ROCK1: variants seen among roughly 807,000 people sequenced by gnomAD.
ROCK1 encodes the protein Rho associated coiled-coil containing protein kinase 1.
In ROCK1, 36 loss-of-function variants were observed where a neutral mutation model predicts 196.8. The ratio of observed to expected loss-of-function variants is 0.18; its 90% CI spans 0.14 to 0.24. The LOEUF (loss-of-function observed/expected upper bound fraction) is 0.24. Among genes scored for constraint, ROCK1 ranks in the 10% least tolerant of loss-of-function variants. The pLI, the probability that ROCK1 is intolerant of heterozygous loss-of-function variation, is 1.00. For missense variants in ROCK1, 920 were observed against 1,562.0 expected, an observed-to-expected ratio of 0.59 and a Z score of 6.93; for synonymous variants, 443 against 515.9, an observed-to-expected ratio of 0.86 and a Z score of 1.91.
intron 1 of ROCK1, among the ~76,000 whole-genome samples, chr18:21,099,691 A>G: frequency 6.6e-6 from 1 of 152,178 alleles, no homozygotes; most frequent in Non-Finnish European, 1.5e-5. Context: ...GCTGCAGTGA[A>G]CCGTGATCAT....
intron 2 of ROCK1, among the ~76,000 whole-genome samples, chr18:21,060,578 G>T (rs559948836): frequency 6.6e-6 from 1 of 152,116 alleles, no homozygotes; most frequent in Admixed American, 6.5e-5. Flanking sequence ...GGTGGCTCAC[G>T]CCTGTAATTC....
chr18:21,055,624 C>T (rs543671843), intron 2 of ROCK1, among the ~76,000 whole-genome samples: 1 of 152,202 alleles, frequency 6.6e-6, no homozygotes, highest in African/African-American at 2.4e-5. Flanking sequence ...GGACATTGCT[C>T]AAGCAATTCT....
At chr18:20,957,392 A>C (rs2035253097) in intron 29 of ROCK1, among the ~76,000 whole-genome samples, 1 of 152,264 alleles carries the variant, frequency 6.6e-6, no homozygotes, top group African/African-American at 2.4e-5. Context: ...ATTACTGTTT[A>C]ATTCCATTTA....
At chr18:20,987,785 A>G (rs1013440487) in intron 18 of ROCK1, among the ~76,000 whole-genome samples, 24 of 152,186 alleles carry the variant, frequency 1.6e-4, no homozygotes, top group African/African-American at 5.5e-4. Context: ...AAATAAATAT[A>G]AATAAACTAT....
intron 10 of ROCK1, among the ~76,000 whole-genome samples, chr18:21,026,437 T>C (rs1598533349): frequency 9.9e-6 from 1 of 100,608 alleles, no homozygotes; most frequent in Non-Finnish European, 1.8e-5. Context: ...AGAGCAAAAC[T>C]CTGTCTCGAA....
chr18:20,975,491 T>A (rs1281090927), intron 22 of ROCK1, among the ~76,000 whole-genome samples: 4 of 152,238 alleles, frequency 2.6e-5, no homozygotes, highest in African/African-American at 7.2e-5. Context: ...CTCATCTCTA[T>A]TTAGAAGCTG....
intron 27 of ROCK1, among the ~76,000 whole-genome samples, chr18:20,965,631 A>T (rs2035367469): frequency 6.6e-6 from 1 of 152,198 alleles, no homozygotes; most frequent in Admixed American, 6.5e-5. Context: ...GTCTAACTTT[A>T]GAAAGATGTT....
At chr18:20,967,358 T>A (rs548915345) in intron 26 of ROCK1, among the ~76,000 whole-genome samples, 7 of 152,270 alleles carry the variant, frequency 4.6e-5, no homozygotes, top group Admixed American at 1.3e-4. Context: ...AAAATGCTTT[T>A]CTGGCTCCAA....
chr18:21,071,100 T>C (rs1299764994), intron 1 of ROCK1, among the ~76,000 whole-genome samples: 1 of 152,008 alleles, frequency 6.6e-6, no homozygotes, highest in Non-Finnish European at 1.5e-5. Context: ...TAGATTGTCA[T>C]GGGTCTTCTT....
chr18:20,967,465 TG>T (rs2035384865), intron 26 of ROCK1, among the ~76,000 whole-genome samples: 1 of 152,316 alleles, frequency 6.6e-6, no homozygotes, highest in South Asian at 2.1e-4. Context: ...TTCTCAATTT[TG>T]TTCTATTAAC....
Position 20,947,838 on chromosome 18 carries a change from T to C in ROCK1, c.*3546A>G, listed in dbSNP as rs2143302928. 6.6e-6 allele frequency: 1 copy of C among 152,354 alleles called. No individual in the cohort carries two copies. Among genetic ancestry groups the C allele is most frequent in the Non-Finnish European group, 1.5e-5 (1 of 68,056 alleles). 9.4% of individuals were successfully genotyped at this position (152,354 alleles called of 1,614,324 possible). A position where few individuals can be genotyped will look rare whatever the true frequency, so the allele number is the denominator to read the frequency against. ...TATATGGGAATGCAACCAGGCGCGG[T>C]GGCTCATGCCTGTAATCCCAGCACT... On this transcript the variant is annotated 3_prime_UTR_variant, in exon 33 of 33. Transcript: ENST00000399799.
intron 25 of ROCK1, among the ~76,000 whole-genome samples, chr18:20,968,311 CTT>C (rs545840133): frequency 3.4e-5 from 5 of 145,516 alleles, no homozygotes; most frequent in Admixed American, 6.9e-5. Context: ...AATCCTATTT[CTT>C]TTTTTTTTTT....
intron 2 of ROCK1, among the ~76,000 whole-genome samples, chr18:21,058,778 C>A (rs1301998711): frequency 6.6e-6 from 1 of 152,070 alleles, no homozygotes; most frequent in Admixed American, 6.6e-5. Flanking sequence ...ACAGTTTTGC[C>A]ATGTTGCCCA....
At chr18:21,037,858 A>G (rs2036070307) in intron 9 of ROCK1, among the ~76,000 whole-genome samples, 1 of 152,134 alleles carries the variant, frequency 6.6e-6, no homozygotes, top group Non-Finnish European at 1.5e-5. Context: ...AACAGTGATC[A>G]ATATACAACA....
chr18:20,987,037 T>C lies in ROCK1; in HGVS notation c.2217A>G (p.Lys739=). ...GATCAACGTCTAGCATGGAACACTG[T>C]TTCTCAATCTGAACAACCCGATTTT... ...KAENRVVQIE[K]QCSMLDVDLK... The change falls in exon 19 of 33, where the codon AAA becomes AAG. Residue 739 remains lysine, a synonymous_variant. Coordinates refer to ENST00000399799, the MANE Select transcript of ROCK1 (RefSeq NM_005406.3). 1.2e-6 allele frequency: 2 copies of C among 1,612,884 alleles called. No individual in the cohort carries two copies. The highest frequency in any genetic ancestry group is 1.1e-5 in the South Asian group (1 of 90,532).
chr18:20,992,229 A>G (rs2035632701), intron 17 of ROCK1, among the ~76,000 whole-genome samples: 1 of 152,224 alleles, frequency 6.6e-6, no homozygotes, highest in South Asian at 2.1e-4. Flanking sequence ...AAAGGACAAG[A>G]TAAGTAGTGG....
chr18:21,015,667 T>C (rs1442153195), intron 12 of ROCK1, among the ~76,000 whole-genome samples, 188 bp from the exon 13 acceptor site: 1 of 152,072 alleles, frequency 6.6e-6, no homozygotes. Flanking sequence ...ACAAAAATTA[T>C]ATATGATTAA....
rs575140545 is a variant in ROCK1, at chr18:21,090,142, G to C, written c.94-19529C>G. On this transcript the variant is annotated intron_variant, in intron 1 of 32. Transcript: ENST00000399799. Reference sequence around the variant, plus strand: ...ATTTTATAACATCATGCATTGATTGGTCACTTAGAAAATACTGGTTCCTTG... The same window carrying C: ...ATTTTATAACATCATGCATTGATTGCTCACTTAGAAAATACTGGTTCCTTG... Among the ~76,000 whole-genome samples, 6 of 152,252 alleles carry C rather than the reference G, an allele frequency of 3.9e-5. No individual in the cohort carries two copies. In the East Asian group the frequency reaches 1.2e-3, roughly 29 times the overall value.
chr18:21,091,529 G>A (rs2036569990), intron 1 of ROCK1, among the ~76,000 whole-genome samples: 1 of 47,352 alleles, frequency 2.1e-5, no homozygotes, highest in African/African-American at 3.0e-5. Flanking sequence ...CTTGAACCCA[G>A]GAGGCAGAGG....
Sources: allele counts gnomAD v4.1 joint callset (sites outside exome capture counted in the v4.1 genomes callset), GRCh38; gene constraint gnomAD v4.1.1; transcripts MANE v1.5; gene names NCBI Gene and HGNC (gene_info 2026-07-23, HGNC 2026-07-21).